Variants in CLPX observed in about 807,000 individuals in gnomAD.
The protein encoded by CLPX is ATP-dependent clpX-like chaperone, mitochondrial.
In CLPX, 34 loss-of-function variants were observed where a neutral mutation model predicts 76.4. That is an observed-to-expected ratio of 0.45 (90% CI 0.34 to 0.59). CLPX has a LOEUF of 0.59. Ranked by LOEUF, CLPX falls within the 20% of genes least tolerant of loss-of-function variation. CLPX has a pLI of 0.01. For synonymous variants in CLPX, 248 were observed against 270.9 expected (o/e 0.92, Z 0.83); for missense variants, 613 against 757.0 (o/e 0.81, Z 2.23).
rs2087881124 is a variant in CLPX, at chr15:65,164,019, A to G, written c.673+10T>C. 1.2e-6 allele frequency: 2 copies of G among 1,611,496 alleles called. No individual in the cohort carries two copies. Among genetic ancestry groups the G allele is most frequent in the South Asian group, 2.2e-5 (2 of 90,406 alleles). ...CAATCTCTATTTAGGTCAATTATCA[A>G]AAACGCTACCTCTTGGTGTTAATGA... On this transcript the variant is annotated intron_variant, in intron 5 of 13. Transcript: ENST00000300107.
intron 3 of CLPX, among the ~76,000 whole-genome samples, chr15:65,169,889 T>C (rs1450364187): frequency 6.6e-6 from 1 of 151,848 alleles, no homozygotes; most frequent in Non-Finnish European, 1.5e-5. Flanking sequence ...GCCTCCGAAG[T>C]AGCTGGGATT....
intron 6 of CLPX, among the ~76,000 whole-genome samples, chr15:65,161,310 A>C (rs2087854026): frequency 6.6e-6 from 1 of 152,178 alleles, no homozygotes; most frequent in Non-Finnish European, 1.5e-5. Context: ...CTAAAATTTG[A>C]CTTCCAAAGG....
At chr15:65,162,534 G>A in intron 6 of CLPX, 70 bp downstream of exon 6, 4 of 1,033,230 alleles carry the variant, frequency 3.9e-6, no homozygotes, top group South Asian at 1.3e-5. Flanking sequence ...CACTGTTACT[G>A]CTGAAACACT....
intron 10 of CLPX, 82 bp downstream of exon 10, chr15:65,155,610 G>C: frequency 8.8e-7 from 1 of 1,140,080 alleles, no homozygotes; most frequent in Non-Finnish European, 1.3e-6. Context: ...ATGACTGGTA[G>C]CCCGCAGATA....
chr15:65,173,725 G>GCAAACTGGATAAA (rs1361418743), intron 3 of CLPX, among the ~76,000 whole-genome samples: 1 of 152,188 alleles, frequency 6.6e-6, no homozygotes, highest in Non-Finnish European at 1.5e-5. Flanking sequence ...GATATATGCT[G>GCAAACTGGATAAA]CAAACTGGAT....
chr15:65,165,951 TAA>T (rs1187034991), intron 4 of CLPX, among the ~76,000 whole-genome samples: 1 of 152,146 alleles, frequency 6.6e-6, no homozygotes, highest in Non-Finnish European at 1.5e-5. Flanking sequence ...AGAAATAATC[TAA>T]GTGTGCAAAC....
intron 6 of CLPX, among the ~76,000 whole-genome samples, chr15:65,160,930 T>C (rs2087849006): frequency 1.3e-5 from 2 of 152,174 alleles, no homozygotes; most frequent in South Asian, 2.1e-4. Context: ...CAGGCTAGTG[T>C]AGTAGTTAGC....
intron 3 of CLPX, among the ~76,000 whole-genome samples, chr15:65,170,106 C>G (rs2087979831): frequency 6.6e-6 from 1 of 151,974 alleles, no homozygotes; most frequent in African/African-American, 2.4e-5. Flanking sequence ...TCCAGGCTAG[C>G]CTCAAATTTC....
At chr15:65,168,149 G>A (rs1595942309) in intron 3 of CLPX, among the ~76,000 whole-genome samples, 1 of 151,536 alleles carries the variant, frequency 6.6e-6, no homozygotes, top group East Asian at 1.9e-4. Context: ...CAGCACTTTG[G>A]GAGGCCGAGG....
intron 6 of CLPX, among the ~76,000 whole-genome samples, chr15:65,159,151 T>A (rs1459710690): frequency 6.6e-6 from 1 of 152,190 alleles, no homozygotes; most frequent in Non-Finnish European, 1.5e-5. Context: ...TGTTTCCTAA[T>A]CAATAAAATC....
intron 3 of CLPX, among the ~76,000 whole-genome samples, chr15:65,174,088 C>A (rs1195945575): frequency 6.7e-6 from 1 of 150,194 alleles, no homozygotes; most frequent in Admixed American, 6.7e-5. Flanking sequence ...GATTCTCCTG[C>A]TTCAGCCTCC....
chr15:65,162,538 A>C, intron 6 of CLPX, 66 bp downstream of exon 6: 1 of 1,089,262 alleles, frequency 9.2e-7, no homozygotes, highest in Non-Finnish European at 1.4e-6. Flanking sequence ...GTTACTGCTG[A>C]AACACTTCAC....
chr15:65,170,257 C>T (rs1230334003), intron 3 of CLPX, among the ~76,000 whole-genome samples: 1 of 151,270 alleles, frequency 6.6e-6, no homozygotes, highest in Non-Finnish European at 1.5e-5. Context: ...GTGGCAAATA[C>T]AAAGCTAGTA....
chr15:65,156,847 C>A lies in CLPX; in HGVS notation c.1143G>T (p.Gln381His). 6.2e-7 allele frequency: 1 copy of A among 1,609,072 alleles called. No individual in the cohort carries two copies. Among genetic ancestry groups the A allele is most frequent in the Non-Finnish European group, 8.5e-7 (1 of 1,175,694 alleles). ...QLRDVGGEGVQQGLLKLLEGT... is the reference protein window; with the variant it reads ...QLRDVGGEGVHQGLLKLLEGT... ...AACAAAATACTCAACTGCTTACTTGCTGAACGCCTTCTCCACCTACATCCC... is the reference window on the plus strand; with the variant it reads ...AACAAAATACTCAACTGCTTACTTGATGAACGCCTTCTCCACCTACATCCC... Residue 381 changes from glutamine to histidine, a missense_variant, in exon 9 of 14, where the codon CAG becomes CAT. By Grantham distance (24) the Gln-to-His change is conservative. Around this residue, in one of 2 missense-constraint regions of CLPX, gnomAD observed 450 missense variants for 638.6 expected, o/e 0.70. Transcript: ENST00000300107.
chr15:65,179,962 C>A, intron 2 of CLPX, 82 bp downstream of exon 2: 1 of 901,834 alleles, frequency 1.1e-6, no homozygotes. Context: ...AACATATAAG[C>A]CAGTAAGAGA....
chr15:65,152,279 A>G (rs928892683), intron 13 of CLPX, 151 bp downstream of exon 13: 15 of 373,796 alleles, frequency 4.0e-5, no homozygotes, highest in Admixed American at 1.4e-4. Context: ...ATAATACCCA[A>G]ATTAGATTTT....
At chr15:65,172,332 T>C (rs1374130582) in intron 3 of CLPX, among the ~76,000 whole-genome samples, 2 of 152,198 alleles carry the variant, frequency 1.3e-5, no homozygotes, top group Non-Finnish European at 2.9e-5. Flanking sequence ...ATAAATTCTT[T>C]CCTTTAAACA....
At position 65,180,094 on chromosome 15, in the gene CLPX, A is replaced by G. The variant is rs1474308753; in HGVS notation, c.190T>C (p.Phe64Leu). Residue 64 changes from phenylalanine (F) to leucine (L), a missense_variant, in exon 2 of 14, where the codon TTT becomes CTT. This residue lies in a region of CLPX where 163 missense variants were observed against 118.4 expected (regional missense o/e 1.38). Transcript: ENST00000300107. The stretch of plus-strand genomic sequence containing the variant: ...TTACTTATCCCATCTTTTGAGGCAA[A>G]GTATGCTGGTGTTTCTGTAAAGGAT... ...LRSFTETPAY[F>L]ASKDGISKDG... is the part of the protein sequence containing the mutation. 6.2e-7 allele frequency: 1 copy of G among 1,612,240 alleles called. No individual in the cohort carries two copies. Among genetic ancestry groups the G allele is most frequent in the Non-Finnish European group, 8.5e-7 (1 of 1,179,002 alleles).
intron 3 of CLPX, among the ~76,000 whole-genome samples, chr15:65,170,320 GAA>G (rs530790044): frequency 6.9e-6 from 1 of 144,834 alleles, no homozygotes; most frequent in African/African-American, 2.5e-5. Context: ...GAACTGCAGA[GAA>G]AAAAAAAAAT....
Sources: gnomAD v4.1 joint callset for allele counts (sites outside exome capture counted in the v4.1 genomes callset) on GRCh38, gnomAD v4.1.1 for gene constraint, gnomAD v4.1.1 regional missense constraint, MANE v1.5 for transcripts, NCBI Gene and HGNC (gene_info 2026-07-23, HGNC 2026-07-21) for gene names.